Variants in SSR4 observed in about 807,000 individuals in gnomAD.
SSR4 encodes the protein translocon-associated protein subunit delta.
For synonymous variants in SSR4, 84 were observed against 65.6 expected, an observed-to-expected ratio of 1.28 and a Z score of -1.35; for missense variants, 125 against 148.8, an observed-to-expected ratio of 0.84 and a Z score of 0.83.
At chrX:153,794,949 T>G in intron 1 of SSR4, 195 bp downstream of exon 1, 1 of 484,946 alleles carries the variant, frequency 2.1e-6, no homozygotes, top group Non-Finnish European at 3.4e-6. Flanking sequence ...AGGCTTTTCC[T>G]TGTCTGCCCA....
intron 2 of SSR4, chrX:153,797,077 C>CT: frequency 9.6e-6 from 2 of 207,681 alleles, no homozygotes; most frequent in Non-Finnish European, 8.8e-6. Flanking sequence ...GAAATGGGGC[C>CT]TTTTTTGGGT....
At chrX:153,796,325 G>A (rs1427909771) in intron 1 of SSR4, 109 bp from the exon 2 acceptor site, 155 of 536,400 alleles carry the variant, frequency 2.9e-4, no homozygotes, top group Non-Finnish European at 1.8e-4. Flanking sequence ...CAGGAAGAGC[G>A]CATGGGTCCC....
In SSR4 at chrX:153,798,444, C is replaced by G. The variant is rs919994448; in HGVS notation, c.*11C>G. The G allele has an allele frequency of 8.6e-7, 1 of 1,159,677 alleles. No individual in the cohort carries two copies. The highest frequency in any genetic ancestry group is 2.4e-4 in the Middle Eastern group (1 of 4,249). ...CACATCCAGGCCTGAGGGCGGCACC[C>G]CAGCCCTGCCCTTGCTTCCTTCAAT... On this transcript the variant is annotated 3_prime_UTR_variant, in exon 6 of 6. Transcript: ENST00000370086.
intron 1 of SSR4, 70 bp from the exon 2 acceptor site, chrX:153,796,364 G>C (rs2092141123): frequency 1.3e-6 from 1 of 783,797 alleles, no homozygotes; most frequent in Non-Finnish European, 1.9e-6. Flanking sequence ...AGGCAGGGCC[G>C]GGCCATCCTG....
chrX:153,798,037 T>C (rs1231625553), intron 4 of SSR4, 34 bp from the exon 5 acceptor site: 1 of 463,957 alleles, frequency 2.2e-6, no homozygotes. Flanking sequence ...CAGGCACCCC[T>C]GACCCCAGCA....
intron 1 of SSR4, 128 bp from the exon 2 acceptor site, chrX:153,796,306 T>C (rs1324147758): frequency 6.2e-6 from 3 of 487,160 alleles, no homozygotes; most frequent in Non-Finnish European, 1.1e-5. Flanking sequence ...ATATCCCACC[T>C]GGAAGGGGCA....
chrX:153,794,214 T>G (rs1186203675), upstream of SSR4: 7 of 1,157,809 alleles, frequency 6.0e-6, no homozygotes, highest in African/African-American at 1.2e-4. Flanking sequence ...CTGCGACCGC[T>G]GCCGCGGTCC....
intron 4 of SSR4, 87 bp downstream of exon 4, chrX:153,797,901 C>T (rs781979931): frequency 1.8e-4 from 161 of 888,460 alleles, no homozygotes; most frequent in Non-Finnish European, 2.5e-4. Flanking sequence ...AAGTCCTGAG[C>T]TGGGTGGCCT....
intron 4 of SSR4, 71 bp from the exon 5 acceptor site, chrX:153,798,000 T>TACCCAACC: frequency 1.4e-6 from 1 of 704,005 alleles, no homozygotes; most frequent in Non-Finnish European, 2.3e-6. Flanking sequence ...TACCTGTCTT[T>TACCCAACC]CCCCTCCCCT....
At chrX:153,796,591 G>C (rs1557072575) in intron 2 of SSR4, 39 bp downstream of exon 2, 1 of 994,691 alleles carries the variant, frequency 1.0e-6, no homozygotes, top group Non-Finnish European at 1.4e-6. Context: ...GCGGGTGGGG[G>C]GTGCTCCTCA....
rs782390937 is a variant in SSR4, at chrX:153,797,654, T to C, written c.262-71T>C. Reference sequence around the variant, plus strand: ...GGCTCTGGCTGCCGGAGTGCTGCAGTGTCGGCACTGGTGGTCAGGGTGGCC... The same window carrying C: ...GGCTCTGGCTGCCGGAGTGCTGCAGCGTCGGCACTGGTGGTCAGGGTGGCC... On this transcript the variant is annotated intron_variant, in intron 3 of 5. Transcript: ENST00000370086. 1.2e-5 allele frequency: 13 copies of C among 1,112,271 alleles called. No homozygotes were observed. In the African/African-American group the frequency reaches 2.3e-4, roughly 20 times the overall value. 91.7% of individuals were successfully genotyped at this position (1,112,271 alleles called of 1,213,427 possible).
At chrX:153,794,840 C>A in intron 1 of SSR4, 86 bp downstream of exon 1, 2 of 1,074,926 alleles carry the variant, frequency 1.9e-6, no homozygotes, top group Non-Finnish European at 2.5e-6. Flanking sequence ...GGGGGTCCGG[C>A]CTTTCAGGGT....
At chrX:153,796,296 A>G (rs924116706) in intron 1 of SSR4, 138 bp from the exon 2 acceptor site, 12 of 472,331 alleles carry the variant, frequency 2.5e-5, no homozygotes, top group Non-Finnish European at 2.6e-5. Context: ...TCTGTCTCGC[A>G]TATCCCACCT....
chrX:153,794,560 C>G (rs2092126912), upstream of SSR4: 1 of 1,173,322 alleles, frequency 8.5e-7, no homozygotes, highest in African/African-American at 1.8e-5. Context: ...CTGCCAGAGA[C>G]GTCACAATGC....
At chrX:153,798,005 T>TCC in intron 4 of SSR4, 66 bp from the exon 5 acceptor site, 1 of 373,828 alleles carries the variant, frequency 2.7e-6, no homozygotes, top group Non-Finnish European at 5.0e-6. Flanking sequence ...GTCTTTCCCC[T>TCC]CCCCTCCCCA....
chrX:153,794,364 G>A (rs2092124549), upstream of SSR4: 1 of 1,175,077 alleles, frequency 8.5e-7, no homozygotes, highest in Non-Finnish European at 1.1e-6. Flanking sequence ...CCGACACGCA[G>A]ATACCGCTCT....
chrX:153,794,381 A>T (rs782208915), upstream of SSR4: 2 of 1,158,217 alleles, frequency 1.7e-6, no homozygotes, highest in Admixed American at 4.8e-5. Context: ...CTCTCGCGAG[A>T]GTTCGACGGG....
chrX:153,794,837 C>T (rs372799541), intron 1 of SSR4, 83 bp downstream of exon 1: 4 of 1,092,876 alleles, frequency 3.7e-6, no homozygotes, highest in Admixed American at 2.8e-5. Flanking sequence ...TGCGGGGGTC[C>T]GGCCTTTCAG....
chrX:153,794,194 C>A (rs2092122857), upstream of SSR4: 1 of 1,130,864 alleles, frequency 8.8e-7, no homozygotes, highest in Admixed American at 2.6e-5. Context: ...GCGGCTACCC[C>A]ACCGCTCCCC....
Sources: gnomAD v4.1 joint callset for allele counts on GRCh38, gnomAD v4.1.1 for gene constraint, MANE v1.5 for transcripts, NCBI Gene and HGNC (gene_info 2026-07-23, HGNC 2026-07-21) for gene names.